The following GABRG1 variants were observed in gnomAD, a reference collection of about 807,000 sequenced individuals.
GABRG1 encodes the protein gamma-aminobutyric acid type A receptor subunit gamma1.
A neutral mutation model predicts 49.8 loss-of-function variants in GABRG1; 49 were observed. The observed-to-expected ratio is 0.98, with a 90% confidence interval of 0.78 to 1.25. The LOEUF (loss-of-function observed/expected upper bound fraction) is 1.25. Among genes scored for constraint, GABRG1 ranks in the 50% most tolerant of loss-of-function variants. The pLI, the probability that GABRG1 is intolerant of heterozygous loss-of-function variation, is 0.00. For synonymous variants in GABRG1, 232 were observed against 185.1 expected, an observed-to-expected ratio of 1.25 and a Z score of -2.06; for missense variants, 552 against 552.3, an observed-to-expected ratio of 1.00 and a Z score of 0.01.
At chr4:46,045,964 G>T (rs1433804285) in intron 8 of GABRG1, among the ~76,000 whole-genome samples, 1 of 152,052 alleles carries the variant, frequency 6.6e-6, no homozygotes, top group South Asian at 2.1e-4. Context: ...ATAGATACCT[G>T]GAAATTTGGT....
chr4:46,098,765 C>A (rs992303244), intron 1 of GABRG1, among the ~76,000 whole-genome samples: 9 of 151,614 alleles, frequency 5.9e-5, no homozygotes, highest in Admixed American at 6.6e-5. Context: ...CCAAACAAAT[C>A]CTGAATTTTC....
chr4:46,123,717 A>T (rs1721166944), intron 1 of GABRG1, 93 bp downstream of exon 1: 5 of 829,068 alleles, frequency 6.0e-6, no homozygotes, highest in Middle Eastern at 4.5e-4. Flanking sequence ...ATGCAAATTA[A>T]TTACTTAAAG....
intron 7 of GABRG1, among the ~76,000 whole-genome samples, chr4:46,056,220 A>T (rs946140409): frequency 2.0e-5 from 3 of 150,620 alleles, no homozygotes; most frequent in African/African-American, 7.3e-5. Context: ...TAAAGTCCTT[A>T]AAATGGCCCA....
At chr4:46,101,495 G>A (rs981672801) in intron 1 of GABRG1, among the ~76,000 whole-genome samples, 1 of 151,492 alleles carries the variant, frequency 6.6e-6, no homozygotes, top group Non-Finnish European at 1.5e-5. Flanking sequence ...CACACTATAT[G>A]ACAAAAAAAG....
At chr4:46,069,457 G>C (rs996387269) in intron 3 of GABRG1, among the ~76,000 whole-genome samples, 5 of 152,092 alleles carry the variant, frequency 3.3e-5, no homozygotes, top group Non-Finnish European at 5.9e-5. Context: ...AAAAGCACCA[G>C]CTTCTGAATT....
intron 1 of GABRG1, among the ~76,000 whole-genome samples, chr4:46,119,959 A>T (rs75463283): frequency 6.6e-6 from 1 of 151,730 alleles, no homozygotes; most frequent in Non-Finnish European, 1.5e-5. Flanking sequence ...AATATCTGTT[A>T]TGACTTTCTT....
Position 46,064,510 on chromosome 4 carries a change from C to A in GABRG1, c.556G>T (p.Ala186Ser), listed in dbSNP as rs1265940823. The A allele has an allele frequency of 6.7e-7, 1 of 1,502,918 alleles. No homozygotes were observed. Among genetic ancestry groups the A allele is most frequent in the Non-Finnish European group, 9.0e-7 (1 of 1,114,792 alleles). 93.1% of individuals were successfully genotyped at this position (1,502,918 alleles called of 1,614,324 possible). A position where few individuals can be genotyped will look rare whatever the true frequency, so the allele number is the denominator to read the frequency against. ...VLYTLRLTINAECYLQLHNFP... is the reference protein window; with the variant it reads ...VLYTLRLTINSECYLQLHNFP... ...TTATGAAGCTGAAGATAACATTCTGCATTAATTGTCAATCTATTTAGATGG... is the reference window on the plus strand; with the variant it reads ...TTATGAAGCTGAAGATAACATTCTGAATTAATTGTCAATCTATTTAGATGG... Residue 186 changes from alanine (A) to serine (S), a missense_variant, in exon 5 of 9, where the codon GCA becomes TCA. Transcript: ENST00000295452.
At chr4:46,087,286 G>T (rs531967569) in intron 2 of GABRG1, among the ~76,000 whole-genome samples, 2 of 151,410 alleles carry the variant, frequency 1.3e-5, no homozygotes, top group South Asian at 4.2e-4. Context: ...CTGTGAATAC[G>T]TTATTGAGAC....
intron 3 of GABRG1, among the ~76,000 whole-genome samples, chr4:46,076,112 A>C (rs1449390063): frequency 1.3e-5 from 2 of 151,842 alleles, no homozygotes; most frequent in Admixed American, 1.3e-4. Flanking sequence ...TAAATTAAAA[A>C]ATCTACAGAT....
At chr4:46,093,967 T>A (rs963710478) in intron 2 of GABRG1, among the ~76,000 whole-genome samples, 2 of 151,982 alleles carry the variant, frequency 1.3e-5, no homozygotes, top group Non-Finnish European at 2.9e-5. Context: ...CTTAAGTTTA[T>A]GTTTTCAGAC....
chr4:46,111,816 C>T (rs1720725156), intron 1 of GABRG1, among the ~76,000 whole-genome samples: 1 of 151,206 alleles, frequency 6.6e-6, no homozygotes, highest in African/African-American at 2.4e-5. Context: ...GGACCCTTAA[C>T]TTGCACCACA....
At chr4:46,058,458 A>C (rs1056935479) in intron 6 of GABRG1, 27 bp downstream of exon 6, 1 of 1,607,834 alleles carries the variant, frequency 6.2e-7, no homozygotes, top group Non-Finnish European at 8.5e-7. Flanking sequence ...TGCTAGCATC[A>C]TTTCACTATT....
chr4:46,056,562 A>G (rs1205047870), intron 7 of GABRG1, among the ~76,000 whole-genome samples: 3 of 152,108 alleles, frequency 2.0e-5, no homozygotes, highest in South Asian at 2.1e-4. Flanking sequence ...CACAGCCTTC[A>G]TGACTCACTA....
intron 3 of GABRG1, 111 bp from the exon 4 acceptor site, chr4:46,065,695 A>C (rs569450861): frequency 1.6e-6 from 1 of 612,052 alleles, no homozygotes; most frequent in Admixed American, 3.1e-5. Context: ...AGTTAAACTC[A>C]GTCTTTTCGG....
chr4:46,048,539 C>T (rs76287841), intron 8 of GABRG1, among the ~76,000 whole-genome samples: 1 of 147,124 alleles, frequency 6.8e-6, no homozygotes, highest in Non-Finnish European at 1.5e-5. Context: ...TTGAAAATAT[C>T]CCACCATGCA....
At chr4:46,059,318 A>G (rs1718579052) in intron 5 of GABRG1, among the ~76,000 whole-genome samples, 1 of 152,102 alleles carries the variant, frequency 6.6e-6, no homozygotes. Flanking sequence ...TAGCTGGGTC[A>G]TGGGTTACAC....
chr4:46,095,648 C>G (rs1163434040), intron 2 of GABRG1, among the ~76,000 whole-genome samples: 1 of 151,652 alleles, frequency 6.6e-6, no homozygotes, highest in African/African-American at 2.4e-5. Flanking sequence ...AGTGAAAAGT[C>G]AGTGAAAGAA....
intron 3 of GABRG1, among the ~76,000 whole-genome samples, chr4:46,067,640 G>T (rs149885953): frequency 6.6e-6 from 1 of 152,116 alleles, no homozygotes; most frequent in South Asian, 2.1e-4. Flanking sequence ...ATATGGGATG[G>T]CACAGATCAA....
At position 46,076,361 on chromosome 4, in the gene GABRG1, T is replaced by TTATATA. The variant is rs1560360726; in HGVS notation, c.321+7624_321+7625insTATATA. Among the ~76,000 whole-genome samples, 544 of 78,098 alleles carry TTATATA rather than the reference T, an allele frequency of 7.0e-3. 49 individuals carry two copies. Among genetic ancestry groups the TTATATA allele is most frequent in the Non-Finnish European group, 8.7e-3 (337 of 38,826 alleles). The allele number at this position is 78,098 out of a possible 152,430, so 51.2% of individuals were successfully genotyped here. A position where few individuals can be genotyped will look rare whatever the true frequency, so the allele number is the denominator to read the frequency against. ...TACCTAAATTTATCTTAGGTCATGT[T>TTATATA]CATATATATATATATATATATATAT... On this transcript the variant is annotated intron_variant, in intron 3 of 8. Transcript: ENST00000295452.
Sources: allele counts gnomAD v4.1 joint callset (sites outside exome capture counted in the v4.1 genomes callset), GRCh38; gene constraint gnomAD v4.1.1; transcripts MANE v1.5; gene names NCBI Gene and HGNC (gene_info 2026-07-23, HGNC 2026-07-21).